The following DLGAP1 variants were observed in gnomAD, a reference collection of about 807,000 sequenced individuals.
DLGAP1 encodes the protein DLG associated protein 1.
A neutral mutation model predicts 90.8 loss-of-function variants in DLGAP1; 11 were observed. The ratio of observed to expected loss-of-function variants is 0.12; its 90% CI spans 0.08 to 0.20. The LOEUF (loss-of-function observed/expected upper bound fraction) is 0.20. Among genes scored for constraint, DLGAP1 ranks in the 10% least tolerant of loss-of-function variants. The pLI is 1.00. For synonymous variants in DLGAP1, 558 were observed against 540.7 expected (o/e 1.03, Z -0.44); for missense variants, 1,050 against 1,333.8 (o/e 0.79, Z 3.31).
At chr18:4,321,850 T>C in intron 1 of DLGAP1, among the ~76,000 whole-genome samples, 1 of 152,140 alleles carries the variant, frequency 6.6e-6, no homozygotes, top group Non-Finnish European at 1.5e-5. Context: ...TGAGGCCAGA[T>C]GTTGTCTCAA....
At chr18:3,760,524 A>G (rs892619735) in intron 5 of DLGAP1, among the ~76,000 whole-genome samples, 2 of 152,160 alleles carry the variant, frequency 1.3e-5, no homozygotes, top group Admixed American at 1.3e-4. Context: ...GGCAGTACAG[A>G]AAGAATTGTT....
chr18:4,064,146 T>C (rs948760161), intron 2 of DLGAP1, among the ~76,000 whole-genome samples: 1 of 152,060 alleles, frequency 6.6e-6, no homozygotes, highest in Admixed American at 6.6e-5. Context: ...AATCTACTAC[T>C]TAGGTTTTGT....
At chr18:4,401,983 C>T (rs1037881488) in intron 1 of DLGAP1, among the ~76,000 whole-genome samples, 1 of 152,200 alleles carries the variant, frequency 6.6e-6, no homozygotes, top group South Asian at 2.1e-4. Flanking sequence ...TATATTTTAA[C>T]AAGCACCTAG....
At chr18:4,121,469 C>G (rs757988755) in intron 2 of DLGAP1, among the ~76,000 whole-genome samples, 1 of 152,094 alleles carries the variant, frequency 6.6e-6, no homozygotes, top group African/African-American at 2.4e-5. Context: ...CCTCACCCCC[C>G]GTCCTCAACA....
chr18:3,716,043 G>A (rs1361400053), intron 7 of DLGAP1, among the ~76,000 whole-genome samples: 1 of 152,144 alleles, frequency 6.6e-6, no homozygotes, highest in Non-Finnish European at 1.5e-5. Context: ...TTTACTAGAA[G>A]ATGTTATATA....
At chr18:4,396,759 T>C (rs2082451394) in intron 1 of DLGAP1, among the ~76,000 whole-genome samples, 1 of 151,934 alleles carries the variant, frequency 6.6e-6, no homozygotes, top group Non-Finnish European at 1.5e-5. Flanking sequence ...GAGGGATGAG[T>C]CTCCCAGACA....
chr18:4,328,903 T>C (rs1173312760), intron 1 of DLGAP1, among the ~76,000 whole-genome samples: 1 of 152,056 alleles, frequency 6.6e-6, no homozygotes, highest in African/African-American at 2.4e-5. Context: ...GGTTGCCTTA[T>C]TAAGTCATAA....
In DLGAP1 at chr18:3,499,474, G is replaced by C; in HGVS notation, c.2725-80C>G. The C allele has an allele frequency of 6.9e-7, 1 of 1,446,928 alleles. No homozygotes were observed. The highest frequency in any genetic ancestry group is 9.4e-7 in the Non-Finnish European group (1 of 1,067,430). The allele number at this position is 1,446,928 out of a possible 1,614,324, so 89.6% of individuals were successfully genotyped here. Reference sequence around the variant, plus strand: ...AAAAACTGGGATAGGTCAGTAGTTAGAACACACAGTTTTTTACCTAGGGGT... The same window carrying C: ...AAAAACTGGGATAGGTCAGTAGTTACAACACACAGTTTTTTACCTAGGGGT... On this transcript the variant is annotated intron_variant, in intron 12 of 12. Transcript: ENST00000315677. This position sits in a 1 kb window ranked among gnomAD's most constrained non-coding sequence, Gnocchi z 6.4.
chr18:3,865,816 A>C (rs530479914), intron 4 of DLGAP1, among the ~76,000 whole-genome samples: 3 of 152,352 alleles, frequency 2.0e-5, no homozygotes, highest in South Asian at 4.1e-4. Context: ...ATGTAAGAAG[A>C]ACAATGTATG....
At chr18:4,187,144 G>A (rs1031108773) in intron 1 of DLGAP1, among the ~76,000 whole-genome samples, 1 of 152,166 alleles carries the variant, frequency 6.6e-6, no homozygotes, top group East Asian at 1.9e-4. Context: ...AGCTTAAAGA[G>A]CTTTTGGGTC....
At chr18:3,633,021 T>C (rs1010946633) in intron 7 of DLGAP1, among the ~76,000 whole-genome samples, 1 of 152,216 alleles carries the variant, frequency 6.6e-6, no homozygotes, top group African/African-American at 2.4e-5. Flanking sequence ...GCCAGGTTTA[T>C]GGGATAGAAT....
At chr18:3,772,330 CCTT>C (rs2064639672) in intron 5 of DLGAP1, among the ~76,000 whole-genome samples, 2 of 58,234 alleles carry the variant, frequency 3.4e-5, no homozygotes, top group African/African-American at 9.0e-5. Flanking sequence ...TCCTTTCTCT[CCTT>C]CTCTCTCTCT....
chr18:3,502,658 AAG>A lies in DLGAP1; in HGVS notation c.2572-15_2572-14del. Reference sequence around the variant, plus strand: ...GAGCATTAGGATTCTGCACAAGAGAAAGAAAAACATTCATGCTTTAGAAGCAA... The same window carrying A: ...GAGCATTAGGATTCTGCACAAGAGAAAAAAACATTCATGCTTTAGAAGCAA... On this transcript the variant is annotated splice_polypyrimidine_tract_variant and intron_variant, in intron 11 of 12. Transcript: ENST00000315677. The A allele has an allele frequency of 6.3e-7, 1 of 1,597,942 alleles. No homozygotes were observed. Among genetic ancestry groups the A allele is most frequent in the Non-Finnish European group, 8.5e-7 (1 of 1,175,022 alleles).
chr18:4,322,721 G>C (rs1030774541), intron 1 of DLGAP1, among the ~76,000 whole-genome samples: 1 of 152,096 alleles, frequency 6.6e-6, no homozygotes, highest in Non-Finnish European at 1.5e-5. Context: ...CAGCACTTTG[G>C]GAGGCCGAGG....
At chr18:3,747,141 T>C (rs759968396) in intron 5 of DLGAP1, among the ~76,000 whole-genome samples, 6 of 152,196 alleles carry the variant, frequency 3.9e-5, no homozygotes, top group Non-Finnish European at 5.9e-5. Flanking sequence ...AAGGAACTCT[T>C]GAGCCCAGAC....
intron 7 of DLGAP1, among the ~76,000 whole-genome samples, chr18:3,724,907 A>G (rs1487522663): frequency 6.6e-6 from 1 of 150,632 alleles, no homozygotes; most frequent in African/African-American, 2.4e-5. Context: ...TCTGTCTCAA[A>G]AAAAAAAAAA....
intron 1 of DLGAP1, among the ~76,000 whole-genome samples, chr18:4,184,857 TTC>T (rs2077265708): frequency 6.6e-6 from 1 of 152,140 alleles, no homozygotes; most frequent in South Asian, 2.1e-4. Context: ...GCCATTTATA[TTC>T]TGAGGCCTGA....
chr18:4,354,852 G>A (rs1176733044), intron 1 of DLGAP1, among the ~76,000 whole-genome samples: 2 of 119,880 alleles, frequency 1.7e-5, no homozygotes, highest in East Asian at 5.3e-4. Flanking sequence ...TAGAGGTACA[G>A]GCAGCCTCCT....
At position 3,975,589 on chromosome 18, in the gene DLGAP1, A is replaced by C. The variant is rs556655924; in HGVS notation, c.-73+29527T>G. ...CCACTATGGGTATATACTGCAAAAA[A>C]TAGAAACTAGGGACTCAAACAGATA... is the stretch of plus-strand genomic sequence containing the variant. On this transcript the variant is annotated intron_variant, in intron 3 of 12. Coordinates refer to ENST00000315677, the MANE Select transcript of DLGAP1 (RefSeq NM_004746.4). Among the ~76,000 whole-genome samples, 1,161 of 152,330 alleles carry C rather than the reference A, an allele frequency of 7.6e-3. 15 individuals carry two copies. Among genetic ancestry groups the C allele is most frequent in the South Asian group, 0.026 (127 of 4,828 alleles).
Sources: allele counts gnomAD v4.1 joint callset (sites outside exome capture counted in the v4.1 genomes callset), GRCh38; gene constraint gnomAD v4.1.1; non-coding constraint Gnocchi (gnomAD v3.1); transcripts MANE v1.5; gene names NCBI Gene and HGNC (gene_info 2026-07-23, HGNC 2026-07-21).